Variants in PARG observed in about 807,000 individuals in gnomAD.
The protein encoded by PARG is mitochondrial poly(ADP-ribose) glycohydrolase.
Under a neutral mutation model 113.0 loss-of-function variants are expected in PARG, and 35 were observed. The observed-to-expected ratio is 0.31, with a 90% CI of 0.24 to 0.41. The LOEUF is 0.41. Ranked by LOEUF, PARG falls within the 10% of genes least tolerant of loss-of-function variation. The pLI is 1.00. For synonymous variants in PARG, 330 were observed against 409.9 expected (o/e 0.81, Z 2.36); for missense variants, 797 against 1,169.4 (o/e 0.68, Z 4.64).
intron 13 of PARG, among the ~76,000 whole-genome samples, chr10:49,851,085 A>G (rs2132491684): frequency 6.6e-6 from 1 of 152,348 alleles, no homozygotes; most frequent in Admixed American, 6.5e-5. Context: ...GGAAAAAACT[A>G]GAAGGAATCC....
intron 10 of PARG, among the ~76,000 whole-genome samples, chr10:49,866,332 T>C (rs1394394166): frequency 6.6e-6 from 1 of 151,964 alleles, no homozygotes; most frequent in Non-Finnish European, 1.5e-5. Context: ...AGCCTGGCCA[T>C]CATTTCATTC....
chr10:49,932,057 G>A (rs1554909905), intron 4 of PARG, 43 bp downstream of exon 4: 20 of 1,087,736 alleles, frequency 1.8e-5, no homozygotes, highest in Non-Finnish European at 2.5e-5. Context: ...AATAAATAAG[G>A]ACTTCCAGTC....
chr10:49,836,307 C>CTTT (rs1168567519), intron 15 of PARG, among the ~76,000 whole-genome samples: 2,768 of 47,974 alleles, frequency 0.058, 886 homozygotes, highest in Middle Eastern at 0.17. Flanking sequence ...TTTCTTACGA[C>CTTT]TTTTTTTTTT....
intron 16 of PARG, among the ~76,000 whole-genome samples, chr10:49,831,425 A>G (rs1844656906): frequency 6.6e-6 from 1 of 152,154 alleles, no homozygotes; most frequent in African/African-American, 2.4e-5. Flanking sequence ...TGGTATAAAA[A>G]AGAATTTTTC....
At chr10:49,915,500 C>T (rs1427456364) in intron 7 of PARG, among the ~76,000 whole-genome samples, 1 of 152,022 alleles carries the variant, frequency 6.6e-6, no homozygotes, top group Non-Finnish European at 1.5e-5. Context: ...TGCCCTTTGA[C>T]TTAGTCATCT....
intron 7 of PARG, among the ~76,000 whole-genome samples, chr10:49,899,382 C>A (rs1253375871): frequency 6.6e-5 from 10 of 152,180 alleles, no homozygotes; most frequent in Admixed American, 2.6e-4. Context: ...CTCAGGCTGA[C>A]ACTTTGAAGA....
At chr10:49,859,740 C>A (rs1306706150) in intron 12 of PARG, among the ~76,000 whole-genome samples, 1 of 152,210 alleles carries the variant, frequency 6.6e-6, no homozygotes, top group South Asian at 2.1e-4. Context: ...AAAAGGCCCA[C>A]ATTTTTAACT....
At chr10:49,890,968 A>T (rs1588949381) in intron 7 of PARG, among the ~76,000 whole-genome samples, 1 of 152,384 alleles carries the variant, frequency 6.6e-6, no homozygotes, top group East Asian at 1.9e-4. Context: ...TATTTCAATA[A>T]AAGAAAATAT....
In PARG at chr10:49,818,513, C is replaced by T. The variant is rs184061437; in HGVS notation, c.*827G>A. 107 of 152,532 alleles carry T rather than the reference C, an allele frequency of 7.0e-4. No individual in the cohort carries two copies. Among genetic ancestry groups the T allele is most frequent in the African/African-American group, 2.4e-3 (99 of 41,504 alleles). The allele number at this position is 152,532 out of a possible 1,614,324, so 9.4% of individuals were successfully genotyped here. ...TCAAACTTTGGTTATATGAATATGC[C>T]TCAAGCACCACAAAAGAAACATTAG... On this transcript the variant is annotated 3_prime_UTR_variant, in exon 18 of 18. Coordinates refer to ENST00000616448, the MANE Select transcript of PARG (RefSeq NM_003631.5).
At chr10:49,937,124 T>G (rs1589015383) in intron 1 of PARG, among the ~76,000 whole-genome samples, 1 of 152,248 alleles carries the variant, frequency 6.6e-6, no homozygotes, top group Admixed American at 6.5e-5. Flanking sequence ...ACTTTTTCTA[T>G]AGTTCTGTAT....
intron 13 of PARG, among the ~76,000 whole-genome samples, chr10:49,844,439 A>G (rs375284684): frequency 1.5e-3 from 233 of 152,160 alleles, no homozygotes; most frequent in South Asian, 6.4e-3. Flanking sequence ...CTTGGCCAAC[A>G]TGGTGAAGCT....
chr10:49,933,179 T>C lies in PARG; in HGVS notation c.1269A>G (p.Arg423=), dbSNP rs1416872636. The change falls in exon 3 of 18, where the codon AGA becomes AGG. Residue 423 remains arginine (R), a splice_region_variant and synonymous_variant. Transcript: ENST00000616448. ...AGATACTGCTGAGAGAAAATTACCT[T>C]CTGTCCTCTGCTTTGGGCAGTCTCA... ...HFMRLPKAED[R]RKEQWETKHQ... 1.8e-5 allele frequency: 28 copies of C among 1,568,514 alleles called. No individual in the cohort carries two copies. The highest frequency in any genetic ancestry group is 1.7e-5 in the Non-Finnish European group (19 of 1,150,558).
rs1843944249 is a variant in PARG, at chr10:49,819,236, T to C, written c.*104A>G. The C allele has an allele frequency of 4.4e-6, 4 of 905,420 alleles. No homozygotes were observed. The highest frequency in any genetic ancestry group is 3.4e-5 in the African/African-American group (2 of 59,412). The allele number at this position is 905,420 out of a possible 1,614,324, so 56.1% of individuals were successfully genotyped here. A position where few individuals can be genotyped will look rare whatever the true frequency, so the allele number is the denominator to read the frequency against. ...CGTCCTTGACTACAAATGTGGATTA[T>C]GTACACATTTATATTAACTTAAGTC... On this transcript the variant is annotated 3_prime_UTR_variant, in exon 18 of 18. Transcript: ENST00000616448.
intron 15 of PARG, among the ~76,000 whole-genome samples, chr10:49,837,667 G>T (rs1173611689): frequency 6.6e-6 from 1 of 152,156 alleles, no homozygotes; most frequent in African/African-American, 2.4e-5. Flanking sequence ...AGTTGCCAAT[G>T]ACATTTAACA....
rs1211540384 is a variant in PARG, at chr10:49,818,348, G to A, written c.*992C>T. 1 of 152,412 alleles carries A rather than the reference G, an allele frequency of 6.6e-6. No homozygotes were observed. The highest frequency in any genetic ancestry group is 6.6e-5 in the Admixed American group (1 of 15,266). The allele number at this position is 152,412 out of a possible 1,614,324, so 9.4% of individuals were successfully genotyped here. A position where few individuals can be genotyped will look rare whatever the true frequency, so the allele number is the denominator to read the frequency against. On this transcript the variant is annotated 3_prime_UTR_variant, in exon 18 of 18. Transcript: ENST00000616448. ...ATATAGACACACTTAAAGAGCATAC[G>A]TTTATATATACATATATAAAATATA...
At chr10:49,913,767 G>A (rs1265618717) in intron 7 of PARG, among the ~76,000 whole-genome samples, 5 of 152,090 alleles carry the variant, frequency 3.3e-5, no homozygotes, top group Admixed American at 6.5e-5. Flanking sequence ...GCCGGGCAAC[G>A]TGGCGGGCAC....
At chr10:49,869,046 TA>T (rs1846661585) in intron 10 of PARG, among the ~76,000 whole-genome samples, 2 of 151,446 alleles carry the variant, frequency 1.3e-5, no homozygotes, top group African/African-American at 4.8e-5. Flanking sequence ...AAAACAGTTT[TA>T]TAAGAACTCC....
chr10:49,931,692 G>GC (rs1401586001), intron 4 of PARG, among the ~76,000 whole-genome samples: 2 of 63,212 alleles, frequency 3.2e-5, no homozygotes, highest in Non-Finnish European at 6.0e-5. Context: ...CTGGTCTCCA[G>GC]CAAAAAAAAA....
intron 12 of PARG, among the ~76,000 whole-genome samples, chr10:49,861,080 G>A (rs1242552689): frequency 5.3e-5 from 8 of 152,194 alleles, no homozygotes; most frequent in African/African-American, 1.9e-4. Context: ...GCTAGCTCAC[G>A]TGCGTGAAAC....
Sources: gnomAD v4.1 joint callset for allele counts (sites outside exome capture counted in the v4.1 genomes callset) on GRCh38, gnomAD v4.1.1 for gene constraint, MANE v1.5 for transcripts, NCBI Gene and HGNC (gene_info 2026-07-23, HGNC 2026-07-21) for gene names.